Variants in DLG5 observed in about 807,000 individuals in gnomAD.
The protein encoded by DLG5 is disks large homolog 5.
A neutral mutation model predicts 189.8 loss-of-function variants in DLG5; 48 were observed. The observed-to-expected ratio is 0.25, with a 90% CI of 0.20 to 0.32. DLG5 has a LOEUF of 0.32. DLG5 is among the 10% of genes least tolerant of loss of function. The pLI is 1.00. For synonymous variants in DLG5, 1,016 were observed against 1,054.1 expected (o/e 0.96, Z 0.70); for missense variants, 2,160 against 2,544.7 (o/e 0.85, Z 3.25).
intron 15 of DLG5, 74 bp downstream of exon 15, chr10:77,821,008 C>T (rs956616076): frequency 4.2e-5 from 64 of 1,514,504 alleles, no homozygotes; most frequent in Non-Finnish European, 5.7e-5. Flanking sequence ...GGTGCAGGGC[C>T]ACTTAGCAGC....
At chr10:77,923,346 C>A (rs752912341) in intron 1 of DLG5, among the ~76,000 whole-genome samples, 1 of 152,204 alleles carries the variant, frequency 6.6e-6, no homozygotes, top group Non-Finnish European at 1.5e-5. Context: ...ACTTCCATTC[C>A]TTCAGCCAGA....
At chr10:77,807,238 G>A (rs970989307) in intron 25 of DLG5, among the ~76,000 whole-genome samples, 6 of 152,140 alleles carry the variant, frequency 3.9e-5, no homozygotes, top group South Asian at 4.1e-4. Flanking sequence ...GCCCAGGCCC[G>A]GCCCCTGGTT....
intron 13 of DLG5, among the ~76,000 whole-genome samples, chr10:77,826,746 G>A (rs1032240126): frequency 2.6e-5 from 4 of 152,168 alleles, no homozygotes; most frequent in Non-Finnish European, 4.4e-5. Flanking sequence ...TCAGGAGCTC[G>A]AGACCAGGCT....
rs142305802 is a variant in DLG5 at position 77,821,658 on chromosome 10, G to A, written c.2826C>T (p.Asn942=). Residue 942 remains asparagine, a synonymous_variant, in exon 15 of 32, where the codon AAC becomes AAT. Coordinates refer to ENST00000372391, the MANE Select transcript of DLG5 (RefSeq NM_004747.4). ...SLDKADSEGS[N]SGGTWPKAML... ...TGGCCTTGGGCCAGGTCCCGCCGCTGTTGGAGCCTTCAGAGTCTGCCTTGT... is the reference window on the plus strand; with the variant it reads ...TGGCCTTGGGCCAGGTCCCGCCGCTATTGGAGCCTTCAGAGTCTGCCTTGT... 1 of 1,613,012 alleles carries A rather than the reference G, an allele frequency of 6.2e-7. No homozygotes were observed. Among genetic ancestry groups the A allele is most frequent in the East Asian group, 2.2e-5 (1 of 44,888 alleles).
chr10:77,921,943 G>T (rs187321300), intron 1 of DLG5, among the ~76,000 whole-genome samples: 1 of 152,316 alleles, frequency 6.6e-6, no homozygotes, highest in African/African-American at 2.4e-5. Flanking sequence ...GACTTGAGGA[G>T]TCCCACATTT....
rs577219022 is a variant in DLG5 at position 77,839,486 on chromosome 10, G to A, written c.1437+2395C>T. 3.9e-5 allele frequency among the ~76,000 whole-genome samples: 6 copies of A among 152,166 alleles called. No homozygotes were observed. In the East Asian group the frequency reaches 1.2e-3, roughly 29 times the overall value. On this transcript the variant is annotated intron_variant, in intron 7 of 31. Coordinates refer to ENST00000372391, the MANE Select transcript of DLG5 (RefSeq NM_004747.4). ...ACTTCACTCCAGCCTGGGCAAAAGA[G>A]GGAAACCACATCTCAAAAAAAGAAA... is the stretch of plus-strand genomic sequence containing the variant.
intron 7 of DLG5, among the ~76,000 whole-genome samples, chr10:77,838,218 G>T (rs1281504538): frequency 6.6e-6 from 1 of 152,202 alleles, no homozygotes; most frequent in African/African-American, 2.4e-5. Context: ...GGAGCATGGG[G>T]GGCTGCCCTT....
Position 77,794,849 on chromosome 10 carries a change from T to C in DLG5, c.5546A>G (p.Lys1849Arg), listed in dbSNP as rs1840828207. Reference protein sequence around the residue: ...FIHYKSAKHIKEQRDPIYLRD... With the variant: ...FIHYKSAKHIREQRDPIYLRD... Reference sequence around the variant, plus strand: ...GGAGCCCAGGGGGCCAGTTACCTACTTGATGTGCTTGGCGCTCTTGTAGTG... The same window carrying C: ...GGAGCCCAGGGGGCCAGTTACCTACCTGATGTGCTTGGCGCTCTTGTAGTG... The change falls in exon 30 of 32, where the codon AAG becomes AGG. Residue 1849 changes from lysine to arginine, a missense_variant and splice_region_variant. By Grantham distance (26) the Lys-to-Arg change is conservative (BLOSUM62 2). Coordinates refer to ENST00000372391, the MANE Select transcript of DLG5 (RefSeq NM_004747.4). 3 of 1,613,690 alleles carry C rather than the reference T, an allele frequency of 1.9e-6. No homozygotes were observed. The highest frequency in any genetic ancestry group is 2.5e-6 in the Non-Finnish European group (3 of 1,179,828).
chr10:77,864,450 T>C (rs1844595211), intron 2 of DLG5, among the ~76,000 whole-genome samples: 1 of 151,952 alleles, frequency 6.6e-6, no homozygotes, highest in South Asian at 2.1e-4. Context: ...CACCACGTCA[T>C]CCTCACCTAC....
chr10:77,910,395 T>C (rs1375155523), intron 1 of DLG5, among the ~76,000 whole-genome samples: 10 of 152,178 alleles, frequency 6.6e-5, no homozygotes, highest in Non-Finnish European at 1.5e-4. Context: ...AAAGATTTTT[T>C]TCATTGATCA....
upstream of DLG5, chr10:77,929,417 C>T (rs1846766575): frequency 6.6e-6 from 1 of 152,190 alleles, no homozygotes; most frequent in East Asian, 1.9e-4. Flanking sequence ...CTGCGGCACA[C>T]CCTTGTAGTG....
intron 14 of DLG5, among the ~76,000 whole-genome samples, chr10:77,822,993 T>C (rs867783127): frequency 1.3e-5 from 2 of 152,192 alleles, no homozygotes; most frequent in Non-Finnish European, 2.9e-5. Context: ...TGGTAGTACA[T>C]GTCATCACCT....
At chr10:77,802,433 C>T (rs547848895) in intron 27 of DLG5, among the ~76,000 whole-genome samples, 1 of 152,288 alleles carries the variant, frequency 6.6e-6, no homozygotes, top group East Asian at 1.9e-4. Flanking sequence ...ACAAGAAAAA[C>T]ATTTCTGCAA....
intron 2 of DLG5, among the ~76,000 whole-genome samples, chr10:77,867,496 C>T (rs1844729854): frequency 6.6e-6 from 1 of 152,232 alleles, no homozygotes; most frequent in Admixed American, 6.5e-5. Context: ...GTGAGTCCCA[C>T]ATTCCAAATT....
intron 7 of DLG5, among the ~76,000 whole-genome samples, chr10:77,838,746 C>G (rs776929536): frequency 1.9e-4 from 29 of 152,364 alleles, no homozygotes; most frequent in Non-Finnish European, 3.8e-4. Flanking sequence ...GAAGGCCCCC[C>G]ACAGCTGACC....
chr10:77,815,734 T>C (rs1397930933), intron 20 of DLG5, among the ~76,000 whole-genome samples: 1 of 152,254 alleles, frequency 6.6e-6, no homozygotes, highest in Non-Finnish European at 1.5e-5. Context: ...CTCAGCTTTC[T>C]GGACTCAAAT....
At chr10:77,811,310 A>G (rs1299568409) in intron 22 of DLG5, 76 bp from the exon 23 acceptor site, 15 of 1,536,892 alleles carry the variant, frequency 9.8e-6, no homozygotes, top group African/African-American at 1.4e-5. Flanking sequence ...TGGCAACTAG[A>G]TCTGAGCTAT....
chr10:77,937,268 G>A, the DLG5 span, among the ~76,000 whole-genome samples: 3 of 152,084 alleles, frequency 2.0e-5, no homozygotes, highest in Non-Finnish European at 4.4e-5. Flanking sequence ...CTCTTTGCCT[G>A]TCCAAACTCC....
chr10:77,842,279 ACTGTG>A (rs1843461199), intron 6 of DLG5, 86 bp from the exon 7 acceptor site: 1 of 1,453,176 alleles, frequency 6.9e-7, no homozygotes, highest in Non-Finnish European at 9.3e-7. Flanking sequence ...CGCCAGCTCT[ACTGTG>A]CTGGACAGTC....
Sources: gnomAD v4.1 joint callset for allele counts (sites outside exome capture counted in the v4.1 genomes callset) on GRCh38, gnomAD v4.1.1 for gene constraint, MANE v1.5 for transcripts, NCBI Gene and HGNC (gene_info 2026-07-23, HGNC 2026-07-21) for gene names.